COL8A1: variants seen among roughly 807,000 people sequenced by gnomAD.
COL8A1 encodes collagen alpha-1(VIII) chain.
In COL8A1, 21 loss-of-function variants were observed where a neutral mutation model predicts 42.7. That is an observed-to-expected ratio of 0.49 (90% CI 0.35 to 0.71). The LOEUF (loss-of-function observed/expected upper bound fraction) is 0.71. Ranked by LOEUF, COL8A1 falls within the 30% of genes least tolerant of loss-of-function variation. The pLI is 0.01. For missense variants in COL8A1, 788 were observed against 962.4 expected, an observed-to-expected ratio of 0.82 and a Z score of 2.40; for synonymous variants, 367 against 369.1, an observed-to-expected ratio of 0.99 and a Z score of 0.06.
intron 1 of COL8A1, among the ~76,000 whole-genome samples, chr3:99,651,597 A>T (rs534602879): frequency 6.6e-6 from 1 of 152,268 alleles, no homozygotes. Flanking sequence ...CAACCATGCA[A>T]TAAAATCCTG....
chr3:99,681,197 C>T (rs1228535182), intron 1 of COL8A1, among the ~76,000 whole-genome samples: 1 of 152,136 alleles, frequency 6.6e-6, no homozygotes, highest in African/African-American at 2.4e-5. Context: ...TCAGAGTGAA[C>T]AGGCAACCTA....
At chr3:99,691,648 C>A (rs1297910945) in intron 1 of COL8A1, 3 of 151,244 alleles carry the variant, frequency 2.0e-5, no homozygotes, top group Non-Finnish European at 4.4e-5. Flanking sequence ...CACCCAGCCA[C>A]CCTCATGGGG....
At position 99,704,014 on chromosome 3, in the gene COL8A1, T is replaced by A. The variant is rs571048039; in HGVS notation, c.-128-40883T>A. On this transcript the variant is annotated intron_variant, in intron 1 of 3. Transcript: ENST00000652472. ...CACTATCTTAAAACAAAAAGAAGCA[T>A]AACTAAATTAGCTTCTTTCATGATG... Among the ~76,000 whole-genome samples, 3 of 152,294 alleles carry A rather than the reference T, an allele frequency of 2.0e-5. No individual in the cohort carries two copies. In the South Asian group the frequency reaches 6.2e-4, roughly 32 times the overall value.
intron 1 of COL8A1, among the ~76,000 whole-genome samples, chr3:99,639,926 A>G (rs1277323075): frequency 1.3e-5 from 2 of 152,208 alleles, no homozygotes; most frequent in East Asian, 3.8e-4. Context: ...TGTTTATATT[A>G]TCTCATGTGG....
At position 99,752,895 on chromosome 3, in the gene COL8A1, A is replaced by C. The variant is rs562597807; in HGVS notation, c.-4+7874A>C. ...TCAGTTTAGAGGGGGAGAAGGGGAG[A>C]TGGGTATATGAGGAAAGCTGGGACA... is the stretch of plus-strand genomic sequence containing the variant. On this transcript the variant is annotated intron_variant, in intron 2 of 3. Transcript: ENST00000652472. 2.0e-5 allele frequency among the ~76,000 whole-genome samples: 3 copies of C among 152,096 alleles called. No homozygotes were observed. In the South Asian group the frequency reaches 6.2e-4, roughly 32 times the overall value.
chr3:99,687,175 A>G (rs1052114881), intron 1 of COL8A1, among the ~76,000 whole-genome samples: 22 of 152,202 alleles, frequency 1.4e-4, no homozygotes, highest in African/African-American at 5.3e-4. Context: ...ATCCAAAGGC[A>G]ATGTGGAGCC....
In COL8A1 at chr3:99,781,679, G is replaced by A. The variant is rs145449669; in HGVS notation, c.-3-9001G>A. ...TTACATTGTGTTGGCTACACAAACT[G>A]TACTAGTGCATGTACTAGCACATGA... On this transcript the variant is annotated intron_variant, in intron 2 of 3. Transcript: ENST00000652472. Among the ~76,000 whole-genome samples the A allele has an allele frequency of 1.2e-4, 19 of 152,248 alleles. No individual in the cohort carries two copies. In the East Asian group the frequency reaches 3.3e-3, roughly 26 times the overall value.
intron 2 of COL8A1, among the ~76,000 whole-genome samples, chr3:99,765,156 G>C (rs1941438821): frequency 6.6e-6 from 1 of 152,164 alleles, no homozygotes; most frequent in African/African-American, 2.4e-5. Flanking sequence ...GTTACATTAT[G>C]AAATGGCTCA....
At chr3:99,639,681 T>C (rs945962542) in intron 1 of COL8A1, among the ~76,000 whole-genome samples, 4 of 152,238 alleles carry the variant, frequency 2.6e-5, no homozygotes, top group African/African-American at 9.6e-5. Context: ...CACAGCCACT[T>C]CTGTAAAACC....
intron 1 of COL8A1, among the ~76,000 whole-genome samples, chr3:99,712,560 AAACAC>A (rs1220306136): frequency 1.3e-5 from 2 of 152,166 alleles, no homozygotes; most frequent in Non-Finnish European, 2.9e-5. Context: ...TTGGCATATG[AAACAC>A]AACATTTCCT....
At chr3:99,705,062 G>A (rs896065707) in intron 1 of COL8A1, among the ~76,000 whole-genome samples, 3 of 152,108 alleles carry the variant, frequency 2.0e-5, no homozygotes, top group Non-Finnish European at 4.4e-5. Flanking sequence ...GTGTGACTCC[G>A]TACCTCAGAA....
intron 1 of COL8A1, chr3:99,703,713 C>CAAATGTGCAAATA (rs1939605867): frequency 6.6e-6 from 1 of 152,148 alleles, no homozygotes; most frequent in South Asian, 2.1e-4. Context: ...TGGAAGAGGG[C>CAAATGTGCAAATA]CTTGCACATT....
chr3:99,791,829 G>A (rs1226593667), intron 3 of COL8A1, among the ~76,000 whole-genome samples: 2 of 152,196 alleles, frequency 1.3e-5, no homozygotes, highest in Non-Finnish European at 2.9e-5. Flanking sequence ...CTGGATGCCA[G>A]AAATGAGAGA....
intron 1 of COL8A1, among the ~76,000 whole-genome samples, chr3:99,709,431 C>G (rs982288623): frequency 6.6e-6 from 1 of 152,146 alleles, no homozygotes; most frequent in African/African-American, 2.4e-5. Context: ...CATAAACTCT[C>G]TCAGTACAGG....
intron 2 of COL8A1, among the ~76,000 whole-genome samples, chr3:99,746,368 G>T (rs995407707): frequency 5.3e-5 from 8 of 152,134 alleles, no homozygotes. Flanking sequence ...AAAAACTGAG[G>T]AAAGAGGCAT....
chr3:99,724,334 G>C (rs2107373579), intron 1 of COL8A1, among the ~76,000 whole-genome samples: 1 of 152,148 alleles, frequency 6.6e-6, no homozygotes, highest in African/African-American at 2.4e-5. Flanking sequence ...AGCCTAAAAT[G>C]CACAGAAATC....
intron 2 of COL8A1, among the ~76,000 whole-genome samples, chr3:99,753,775 G>A (rs1451386811): frequency 1.3e-5 from 2 of 152,090 alleles, no homozygotes; most frequent in African/African-American, 2.4e-5. Flanking sequence ...CTTACTATGT[G>A]CTAGGCATGG....
chr3:99,667,053 T>C (rs1366424224), intron 1 of COL8A1, among the ~76,000 whole-genome samples: 1 of 152,230 alleles, frequency 6.6e-6, no homozygotes, highest in African/African-American at 2.4e-5. Flanking sequence ...ATTTTGTACA[T>C]GAAGAAACAG....
intron 1 of COL8A1, among the ~76,000 whole-genome samples, chr3:99,687,114 G>C (rs1262072272): frequency 1.3e-5 from 2 of 152,168 alleles, no homozygotes; most frequent in African/African-American, 2.4e-5. Context: ...AAAGTGCTGG[G>C]ATTACAGGCA....
Sources: gnomAD v4.1 joint callset for allele counts (sites outside exome capture counted in the v4.1 genomes callset) on GRCh38, gnomAD v4.1.1 for gene constraint, MANE v1.5 for transcripts, NCBI Gene and HGNC (gene_info 2026-07-23, HGNC 2026-07-21) for gene names.